EPG5: variants seen among roughly 807,000 people sequenced by gnomAD.
The protein encoded by EPG5 is ectopic P-granules 5 autophagy tethering factor.
In EPG5, 159 loss-of-function variants were observed where a neutral mutation model predicts 302.7. The ratio of observed to expected loss-of-function variants is 0.53; its 90% CI spans 0.46 to 0.60. The LOEUF (loss-of-function observed/expected upper bound fraction) is 0.60. EPG5 is among the 20% of genes least tolerant of loss of function. The probability of loss-of-function intolerance (pLI) is 0.00; values close to 1 mark genes in which losing one functional copy is unlikely to be tolerated. For missense variants in EPG5, 2,896 were observed against 3,092.4 expected (o/e 0.94, Z 1.51); for synonymous variants, 1,158 against 1,136.8 (o/e 1.02, Z -0.37).
intron 39 of EPG5, among the ~76,000 whole-genome samples, chr18:45,864,141 T>C (rs1014564403): frequency 6.6e-6 from 1 of 152,158 alleles, no homozygotes; most frequent in Non-Finnish European, 1.5e-5. Context: ...TCTCACTATT[T>C]TGCCCAGACT....
At chr18:45,960,881 A>G (rs146125559) in intron 1 of EPG5, among the ~76,000 whole-genome samples, 2 of 152,314 alleles carry the variant, frequency 1.3e-5, no homozygotes, top group African/African-American at 4.8e-5. Flanking sequence ...CACTTGAAAA[A>G]AACATGTAAA....
intron 26 of EPG5, 72 bp downstream of exon 26, chr18:45,900,924 C>G: frequency 6.6e-7 from 1 of 1,515,930 alleles, no homozygotes; most frequent in South Asian, 1.3e-5. Flanking sequence ...GAAGCCACTC[C>G]AGGTAGCAAA....
Position 45,867,662 on chromosome 18 carries a change from G to C in EPG5, c.6312C>G (p.Ala2104=), listed in dbSNP as rs761751258. 2 of 1,614,010 alleles carry C rather than the reference G, an allele frequency of 1.2e-6. No individual in the cohort carries two copies. Among genetic ancestry groups the C allele is most frequent in the Non-Finnish European group, 1.7e-6 (2 of 1,179,958 alleles). Residue 2104 remains alanine, a synonymous_variant, in exon 37 of 44, where the codon GCC becomes GCG. Coordinates refer to ENST00000282041, the MANE Select transcript of EPG5 (RefSeq NM_020964.3). ...TTTCTGGGTGGGGACTGGAATTCCA[G>C]GCATCAGAGAGCACACTAACCCAGT... is the stretch of plus-strand genomic sequence containing the variant. ...EVNWVSVLSD[A]WNSSPHPETR...
At chr18:45,815,451 C>T in the EPG5 span, among the ~76,000 whole-genome samples, 79 of 151,370 alleles carry the variant, frequency 5.2e-4, no homozygotes, top group Non-Finnish European at 9.6e-4. Flanking sequence ...TTTCCAGATA[C>T]AAAATTAATG....
At chr18:45,885,875 C>CA (rs1238082313) in intron 29 of EPG5, among the ~76,000 whole-genome samples, 2 of 152,068 alleles carry the variant, frequency 1.3e-5, no homozygotes, top group East Asian at 3.9e-4. Flanking sequence ...AGAAAGTGTA[C>CA]AAAGGACCAC....
chr18:45,811,249 T>C, the EPG5 span, among the ~76,000 whole-genome samples: 3 of 152,114 alleles, frequency 2.0e-5, no homozygotes, highest in African/African-American at 7.2e-5. Flanking sequence ...GATATGATTG[T>C]TTACCTAGAA....
chr18:45,947,072 A>G (rs1247122454), intron 6 of EPG5, among the ~76,000 whole-genome samples: 1 of 152,204 alleles, frequency 6.6e-6, no homozygotes, highest in Non-Finnish European at 1.5e-5. Context: ...CAGGCTCACA[A>G]AGTCTTGCCA....
At chr18:45,878,748 G>C (rs2049025402) in intron 33 of EPG5, among the ~76,000 whole-genome samples, 1 of 152,124 alleles carries the variant, frequency 6.6e-6, no homozygotes, top group African/African-American at 2.4e-5. Context: ...TGACAGAAAG[G>C]GTTGGAAACT....
the EPG5 span, among the ~76,000 whole-genome samples, chr18:45,805,595 G>A: frequency 6.6e-6 from 1 of 151,960 alleles, no homozygotes; most frequent in East Asian, 1.9e-4. Flanking sequence ...TGTTGTAATG[G>A]CTTAAAAACA....
the EPG5 span, among the ~76,000 whole-genome samples, chr18:45,802,095 G>A: frequency 6.6e-6 from 1 of 152,128 alleles, no homozygotes; most frequent in African/African-American, 2.4e-5. Context: ...TGTTCCCTGT[G>A]ATCCTCCCTT....
Position 45,870,605 on chromosome 18 carries a change from G to C in EPG5, c.6187C>G (p.Leu2063Val), listed in dbSNP as rs767925401. Reference protein sequence around the residue: ...STYRKLPWKDLHPDQMLMEAF... With the variant: ...STYRKLPWKDVHPDQMLMEAF... Reference sequence around the variant, plus strand: ...TCCATGAGCATCTGGTCAGGGTGCAGGTCCTTCCATGGCAGTTTCCGGTAC... The same window carrying C: ...TCCATGAGCATCTGGTCAGGGTGCACGTCCTTCCATGGCAGTTTCCGGTAC... Residue 2063 changes from leucine to valine, a missense_variant, in exon 36 of 44, where the codon CTG (leucine) becomes GTG (valine). By Grantham distance (32) the Leu-to-Val change is conservative. This residue lies in a region of EPG5 where 620 missense variants were observed against 704.2 expected (regional missense o/e 0.88). Coordinates refer to ENST00000282041, the MANE Select transcript of EPG5 (RefSeq NM_020964.3). 8 of 1,613,946 alleles carry C rather than the reference G, an allele frequency of 5.0e-6. No homozygotes were observed. The African/African-American group carries it at 8.0e-5, about 16-fold the overall frequency.
rs377648551 is a variant in EPG5, at chr18:45,925,738, C to T, written c.2718G>A (p.Gln906=). 3 of 1,527,384 alleles carry T rather than the reference C, an allele frequency of 2.0e-6. No individual in the cohort carries two copies. Among genetic ancestry groups the T allele is most frequent in the African/African-American group, 2.8e-5 (2 of 70,624 alleles). 94.6% of individuals were successfully genotyped at this position (1,527,384 alleles called of 1,614,324 possible). ...TCCAGGGAATGGTTTGAACACATAC[C>T]TGTTTAGCAAATCCCCAATTCAGTC... The part of the protein sequence containing the change: ...LEGLNWGFAK[Q]ATLHLDQAVH... Residue 906 remains glutamine, a splice_region_variant and synonymous_variant, in exon 14 of 44, where the codon CAG becomes CAA. Coordinates refer to ENST00000282041, the MANE Select transcript of EPG5 (RefSeq NM_020964.3).
At chr18:45,842,314 C>A in the EPG5 span, 4 of 957,738 alleles carry the variant, frequency 4.2e-6, no homozygotes, top group Non-Finnish European at 6.5e-6. Context: ...GGCTCCTCCC[C>A]TGCTCAAGGT....
chr18:45,937,118 CAAA>C (rs2050546199), intron 10 of EPG5, among the ~76,000 whole-genome samples: 1 of 151,556 alleles, frequency 6.6e-6, no homozygotes, highest in Non-Finnish European at 1.5e-5. Context: ...TACCCCAAAA[CAAA>C]GAAGGGAAAT....
chr18:45,949,579 G>A lies in EPG5; in HGVS notation c.1402C>T (p.Gln468Ter). Reference protein sequence around the residue: ...LWLQKLVSVLQRVGCPGDHLF... With the variant: ...LWLQKLVSVL ...TGATCTCCAGGACAGCCAACTCTTT[G>A]TAGCACGGATACCTGAACAATAAAG... Residue 468 changes from glutamine (Q) to a stop codon, truncating the protein, a stop_gained, in exon 5 of 44, where the codon CAA becomes TAA. Coordinates refer to ENST00000282041, the MANE Select transcript of EPG5 (RefSeq NM_020964.3). LOFTEE classifies it high-confidence loss of function. 6.2e-7 allele frequency: 1 copy of A among 1,608,726 alleles called. No homozygotes were observed.
At chr18:45,883,310 A>C (rs1429479439) in intron 30 of EPG5, among the ~76,000 whole-genome samples, 1 of 152,172 alleles carries the variant, frequency 6.6e-6, no homozygotes, top group African/African-American at 2.4e-5. Context: ...TCTCAATTTA[A>C]CAGCCATGTT....
At chr18:45,945,934 T>C (rs1369239837) in intron 7 of EPG5, among the ~76,000 whole-genome samples, 1 of 152,198 alleles carries the variant, frequency 6.6e-6, no homozygotes, top group African/African-American at 2.4e-5. Flanking sequence ...CTGAGAACTG[T>C]TGGCTGGACA....
the EPG5 span, chr18:45,842,406 C>T: frequency 8.3e-4 from 474 of 567,870 alleles, 1 homozygote; most frequent in South Asian, 1.3e-3. Context: ...GCCAGCATTT[C>T]GTAAATGTGC....
chr18:45,885,919 C>T (rs1288437211), intron 29 of EPG5, among the ~76,000 whole-genome samples: 1 of 151,538 alleles, frequency 6.6e-6, no homozygotes, highest in Non-Finnish European at 1.5e-5. Flanking sequence ...TATAAATGGC[C>T]AATAAACATA....
Sources: allele counts gnomAD v4.1 joint callset (sites outside exome capture counted in the v4.1 genomes callset), GRCh38; gene constraint gnomAD v4.1.1; regional missense constraint gnomAD v4.1.1; transcripts MANE v1.5; gene names NCBI Gene and HGNC (gene_info 2026-07-23, HGNC 2026-07-21).